The following KANK1 variants were observed in gnomAD, a reference collection of about 807,000 sequenced individuals.
KANK1 encodes the protein KN motif and ankyrin repeat domain-containing protein 1.
In KANK1, 109 loss-of-function variants were observed where a neutral mutation model predicts 106.2. The ratio of observed to expected loss-of-function variants is 1.03; its 90% CI spans 0.88 to 1.20. The LOEUF (loss-of-function observed/expected upper bound fraction) is 1.20. Among genes scored for constraint, KANK1 ranks in the 50% most tolerant of loss-of-function variants. KANK1 has a pLI of 0.00. For synonymous variants in KANK1, 873 were observed against 652.2 expected, an observed-to-expected ratio of 1.34 and a Z score of -5.16; for missense variants, 2,399 against 1,710.7, an observed-to-expected ratio of 1.40 and a Z score of -7.10.
intron 1 of KANK1, among the ~76,000 whole-genome samples, chr9:566,194 T>C (rs936679008): frequency 6.6e-6 from 1 of 152,222 alleles, no homozygotes; most frequent in African/African-American, 2.4e-5. Flanking sequence ...GATCTTATTC[T>C]TTTTTATGGC....
At chr9:715,676 A>T (rs770521944) in intron 3 of KANK1, among the ~76,000 whole-genome samples, 6 of 152,216 alleles carry the variant, frequency 3.9e-5, no homozygotes, top group Non-Finnish European at 8.8e-5. Context: ...CAAAACAATA[A>T]ATATTTTTAA....
intron 1 of KANK1, among the ~76,000 whole-genome samples, chr9:537,612 A>AAAT (rs1050845934): frequency 2.0e-5 from 3 of 152,194 alleles, no homozygotes; most frequent in Non-Finnish European, 2.9e-5. Context: ...GAATAACCTG[A>AAAT]AATAATAATA....
At chr9:584,447 A>T (rs1189545033) in intron 1 of KANK1, among the ~76,000 whole-genome samples, 2 of 152,194 alleles carry the variant, frequency 1.3e-5, no homozygotes, top group African/African-American at 4.8e-5. Context: ...AGGAAGAAAA[A>T]TTATTTTTTA....
chr9:653,011 C>G (rs1015003306), intron 1 of KANK1, among the ~76,000 whole-genome samples: 2 of 152,212 alleles, frequency 1.3e-5, no homozygotes, highest in Admixed American at 6.5e-5. Flanking sequence ...GAGAAGCTTT[C>G]TGCGCACAGC....
intron 1 of KANK1, among the ~76,000 whole-genome samples, chr9:551,194 C>A (rs1441296611): frequency 6.6e-6 from 1 of 151,352 alleles, no homozygotes; most frequent in African/African-American, 2.4e-5. Flanking sequence ...GGGCTTTTCG[C>A]AGTTACAATA....
chr9:525,199 T>C (rs1351433219), intron 1 of KANK1, among the ~76,000 whole-genome samples: 2 of 151,506 alleles, frequency 1.3e-5, no homozygotes, highest in Non-Finnish European at 2.9e-5. Context: ...TTTGCCATGT[T>C]GGCCAGGCTG....
chr9:682,952 A>C (rs1366780443), intron 2 of KANK1, among the ~76,000 whole-genome samples: 1 of 152,120 alleles, frequency 6.6e-6, no homozygotes, highest in Non-Finnish European at 1.5e-5. Flanking sequence ...AGCGTTTCTC[A>C]AACAGAACTC....
Position 731,164 on chromosome 9 carries a change from C to T in KANK1, c.2903C>T (p.Thr968Ile), listed in dbSNP as rs114209322. ...TGCCTTGACTTTTTCACAGCATGTACAAACAATGAAAGTACACTGAAGTCC... is the reference window on the plus strand; with the variant it reads ...TGCCTTGACTTTTTCACAGCATGTATAAACAATGAAAGTACACTGAAGTCC... The part of the protein sequence containing the change: ...DQIAAGLYAC[T>I]NNESTLKSIM... Residue 968 changes from threonine (T) to isoleucine (I), a missense_variant, in exon 5 of 12, where the codon ACA (threonine) becomes ATA (isoleucine). Transcript: ENST00000382297. The T allele has an allele frequency of 1.9e-5, 31 of 1,596,750 alleles. No homozygotes were observed. In the East Asian group the frequency reaches 5.6e-4, roughly 29 times the overall value.
intron 1 of KANK1, among the ~76,000 whole-genome samples, chr9:506,426 A>G (rs568383310): frequency 6.6e-6 from 1 of 152,180 alleles, no homozygotes; most frequent in Non-Finnish European, 1.5e-5. Context: ...TTGGGAATAC[A>G]TTTTATCCCC....
intron 2 of KANK1, among the ~76,000 whole-genome samples, chr9:700,539 A>T (rs1315084565): frequency 1.3e-5 from 2 of 152,118 alleles, no homozygotes; most frequent in African/African-American, 4.8e-5. Flanking sequence ...AGTTCATCCT[A>T]CTGGTTTGCT....
At chr9:677,409 C>A in intron 2 of KANK1, 1 of 160,698 alleles carries the variant, frequency 6.2e-6, no homozygotes, top group Non-Finnish European at 1.4e-5. Context: ...TTTGATGTTG[C>A]TAAACAAAGA....
intron 1 of KANK1, among the ~76,000 whole-genome samples, chr9:654,814 TGAGA>T (rs57089042): frequency 0.23 from 18,185 of 80,098 alleles, 1,663 homozygotes; most frequent in Middle Eastern, 0.39. Flanking sequence ...TGTGTGTGTG[TGAGA>T]GAGAGAGAGA....
chr9:583,991 A>T (rs990928094), intron 1 of KANK1, among the ~76,000 whole-genome samples: 4 of 152,182 alleles, frequency 2.6e-5, no homozygotes, highest in African/African-American at 9.6e-5. Flanking sequence ...TGGGTCAAAC[A>T]TTGTGTAGGG....
intron 8 of KANK1, 48 bp downstream of exon 8, chr9:738,552 T>G (rs1039964383): frequency 2.1e-6 from 3 of 1,460,900 alleles, no homozygotes; most frequent in Admixed American, 1.7e-5. Flanking sequence ...GTACTTGGGT[T>G]GTGACTCATC....
intron 3 of KANK1, chr9:476,691 T>A (rs2058110274): frequency 6.6e-6 from 1 of 152,230 alleles, no homozygotes; most frequent in African/African-American, 2.4e-5. Flanking sequence ...TTGGCCATGA[T>A]GGACTCTGTT....
chr9:665,598 G>C (rs572435278), intron 1 of KANK1, among the ~76,000 whole-genome samples: 3 of 152,152 alleles, frequency 2.0e-5, no homozygotes, highest in Non-Finnish European at 4.4e-5. Flanking sequence ...AAGTCAAGTA[G>C]TGTGAGGCCT....
At chr9:651,783 A>G (rs959983511) in intron 1 of KANK1, among the ~76,000 whole-genome samples, 1 of 152,250 alleles carries the variant, frequency 6.6e-6, no homozygotes, top group Non-Finnish European at 1.5e-5. Flanking sequence ...TTCAAAAATT[A>G]TCTACAAATT....
intron 1 of KANK1, among the ~76,000 whole-genome samples, chr9:646,455 TTCTC>T (rs1348286656): frequency 6.6e-6 from 1 of 151,028 alleles, no homozygotes; most frequent in African/African-American, 2.5e-5. Flanking sequence ...GGTACATGAG[TTCTC>T]TCTCTAATTA....
At position 690,578 on chromosome 9, in the gene KANK1, T is replaced by G. The variant is rs142889217; in HGVS notation, c.37+13569T>G. Among the ~76,000 whole-genome samples, 156 of 151,456 alleles carry G rather than the reference T, an allele frequency of 1.0e-3. 1 individual carries two copies. Among genetic ancestry groups the G allele is most frequent in the African/African-American group, 3.8e-3 (155 of 41,308 alleles). ...GTGCACAGTGGGTGGTGGGGAAAGA[T>G]GAGGGCAGGGAACATTGGGGGAGGA... On this transcript the variant is annotated intron_variant, in intron 2 of 11. Transcript: ENST00000382297.
Sources: allele counts gnomAD v4.1 joint callset (sites outside exome capture counted in the v4.1 genomes callset), GRCh38; gene constraint gnomAD v4.1.1; transcripts MANE v1.5; gene names NCBI Gene and HGNC (gene_info 2026-07-23, HGNC 2026-07-21).